PISD: variants seen among roughly 807,000 people sequenced by gnomAD.
PISD encodes the protein phosphatidylserine decarboxylase proenzyme, mitochondrial.
A neutral mutation model predicts 43.5 loss-of-function variants in PISD; 31 were observed. That is an observed-to-expected ratio of 0.71 (90% CI 0.54 to 0.96). The LOEUF is 0.96. PISD is among the 40% of genes least tolerant of loss of function. The pLI is 0.00. For synonymous variants in PISD, 259 were observed against 228.7 expected (o/e 1.13, Z -1.20); for missense variants, 523 against 548.4 (o/e 0.95, Z 0.46).
At chr22:31,639,830 G>C (rs2073636789) in intron 3 of PISD, among the ~76,000 whole-genome samples, 1 of 152,088 alleles carries the variant, frequency 6.6e-6, no homozygotes, top group African/African-American at 2.4e-5. Context: ...AGGCCTCTAT[G>C]TCAACAGCCA....
chr22:31,637,370 A>G (rs975080296), intron 3 of PISD, among the ~76,000 whole-genome samples: 2 of 150,696 alleles, frequency 1.3e-5, no homozygotes, highest in Non-Finnish European at 1.5e-5. Context: ...CAAAAAAGAA[A>G]AAGTTGTGTT....
At chr22:31,641,759 G>A (rs1456613390) in intron 3 of PISD, among the ~76,000 whole-genome samples, 1 of 151,182 alleles carries the variant, frequency 6.6e-6, no homozygotes, top group Admixed American at 6.6e-5. Context: ...GGCGCAGGTT[G>A]CAGTGAGCTG....
At chr22:31,620,771 G>A in intron 6 of PISD, 58 bp from the exon 7 acceptor site, 1 of 1,596,282 alleles carries the variant, frequency 6.3e-7, no homozygotes, top group Non-Finnish European at 8.6e-7. Flanking sequence ...TCCACCCCAT[G>A]GCAGCCAAGA....
intron 3 of PISD, among the ~76,000 whole-genome samples, chr22:31,640,880 G>GTTTTT (rs1214973570): frequency 0.01 from 254 of 24,570 alleles, 73 homozygotes; most frequent in African/African-American, 0.043. Flanking sequence ...CACACCCGGT[G>GTTTTT]TTTTTTTTTT....
chr22:31,620,472 G>A lies in PISD; in HGVS notation c.1005+81C>T, dbSNP rs984979750. 66 of 1,400,372 alleles carry A rather than the reference G, an allele frequency of 4.7e-5. No homozygotes were observed. In the African/African-American group the frequency reaches 4.8e-4, roughly 10 times the overall value. The allele number at this position is 1,400,372 out of a possible 1,614,324, so 86.7% of individuals were successfully genotyped here. A position where few individuals can be genotyped will look rare whatever the true frequency, so the allele number is the denominator to read the frequency against. On this transcript the variant is annotated intron_variant, in intron 7 of 7. Transcript: ENST00000439502. Reference sequence around the variant, plus strand: ...GGCCTCCCTAGAATTCAGTCCCAACGCATCCGCCGCACAGCAGACAAGGCA... The same window carrying A: ...GGCCTCCCTAGAATTCAGTCCCAACACATCCGCCGCACAGCAGACAAGGCA...
intron 1 of PISD, among the ~76,000 whole-genome samples, chr22:31,661,862 C>G (rs979381876): frequency 1.3e-5 from 2 of 152,196 alleles, no homozygotes; most frequent in African/African-American, 4.8e-5. Context: ...TGCCTCGACT[C>G]AAGAGACGGG....
intron 2 of PISD, among the ~76,000 whole-genome samples, chr22:31,649,328 A>G (rs2071793470): frequency 2.6e-5 from 4 of 152,204 alleles, no homozygotes; most frequent in African/African-American, 7.2e-5. Flanking sequence ...GTTATGCGTT[A>G]AATTGCTGAA....
intron 3 of PISD, among the ~76,000 whole-genome samples, chr22:31,636,958 G>C (rs994939513): frequency 5.3e-5 from 8 of 151,334 alleles, no homozygotes; most frequent in African/African-American, 1.7e-4. Context: ...TTACAGGTGT[G>C]AGCCACCGCG....
intron 6 of PISD, 107 bp from the exon 7 acceptor site, chr22:31,620,820 C>T (rs2072515988): frequency 3.4e-6 from 5 of 1,468,770 alleles, no homozygotes; most frequent in Non-Finnish European, 2.8e-6. Context: ...GATGTCACTC[C>T]AAATGCTGAG....
chr22:31,620,904 G>A (rs1159202777), intron 6 of PISD, 92 bp downstream of exon 6: 1 of 1,460,934 alleles, frequency 6.8e-7, no homozygotes, highest in African/African-American at 1.4e-5. Context: ...CAATGACCCT[G>A]ATCTGGAGCC....
intron 1 of PISD, among the ~76,000 whole-genome samples, chr22:31,652,817 T>C (rs1045830076): frequency 4.6e-5 from 7 of 151,220 alleles, no homozygotes; most frequent in African/African-American, 9.7e-5. Flanking sequence ...GGTGGGAGGA[T>C]TGCTTGAGCC....
intron 1 of PISD, among the ~76,000 whole-genome samples, chr22:31,651,868 T>C (rs561174247): frequency 4.6e-5 from 7 of 152,356 alleles, no homozygotes; most frequent in Non-Finnish European, 8.8e-5. Context: ...AGCAAAGCAT[T>C]AATGAGTTTT....
chr22:31,645,855 T>C (rs5998065), intron 3 of PISD, among the ~76,000 whole-genome samples: 7,286 of 108,042 alleles, frequency 0.067, 311 homozygotes, highest in Admixed American at 0.16. Flanking sequence ...AGACTCCATC[T>C]AAAAAAAAAA....
intron 3 of PISD, among the ~76,000 whole-genome samples, chr22:31,632,553 C>A (rs1228805807): frequency 6.6e-6 from 1 of 152,026 alleles, no homozygotes; most frequent in African/African-American, 2.4e-5. Context: ...TCTCTGAGTA[C>A]CCTAGTTTCC....
rs2073409099 is a variant in PISD at position 31,635,677 on chromosome 22, G to A, written c.321+12424C>T. On this transcript the variant is annotated intron_variant, in intron 3 of 7. Coordinates refer to ENST00000439502, the MANE Select transcript of PISD (RefSeq NM_001326411.2). ...CAAAGCCATTGGAGGTAGCTCCCAG[G>A]TGGGTCCTGGGCCACCTGGGGGCAT... Among the ~76,000 whole-genome samples the A allele has an allele frequency of 2.6e-5, 4 of 152,272 alleles. No individual in the cohort carries two copies. The South Asian group carries it at 8.3e-4, about 32-fold the overall frequency.
chr22:31,662,304 A>G (rs1242391400), upstream of PISD: 12 of 1,304,558 alleles, frequency 9.2e-6, no homozygotes, highest in Non-Finnish European at 1.2e-5. Context: ...CAATGAGAAA[A>G]GCGCGGGTTG....
Position 31,618,592 on chromosome 22 carries a change from A to T in PISD, c.*1020T>A. ...TACAAAAATACTGTGCTACTGATAC[A>T]GTTGAAAAAATTCAATGATGTCTCT... is the stretch of plus-strand genomic sequence containing the variant. On this transcript the variant is annotated 3_prime_UTR_variant, in exon 8 of 8. Transcript: ENST00000439502. The T allele has an allele frequency of 1.2e-5, 7 of 587,752 alleles. No individual in the cohort carries two copies. Among genetic ancestry groups the T allele is most frequent in the Non-Finnish European group, 1.8e-5 (7 of 382,192 alleles). The allele number at this position is 587,752 out of a possible 1,614,324, so 36.4% of individuals were successfully genotyped here. A position where few individuals can be genotyped will look rare whatever the true frequency, so the allele number is the denominator to read the frequency against.
intron 4 of PISD, 45 bp from the exon 5 acceptor site, chr22:31,621,517 C>T: frequency 6.2e-7 from 1 of 1,612,140 alleles, no homozygotes; most frequent in African/African-American, 1.3e-5. Flanking sequence ...GCAGGGTCTC[C>T]TCCCCCCAGG....
intron 1 of PISD, among the ~76,000 whole-genome samples, chr22:31,655,805 TTG>T (rs1181170430): frequency 6.6e-6 from 1 of 151,950 alleles, no homozygotes; most frequent in East Asian, 2.0e-4. Context: ...CAGCTAATTT[TTG>T]TGTTTTTTTA....
Sources: allele counts gnomAD v4.1 joint callset (sites outside exome capture counted in the v4.1 genomes callset), GRCh38; gene constraint gnomAD v4.1.1; transcripts MANE v1.5; gene names NCBI Gene and HGNC (gene_info 2026-07-23, HGNC 2026-07-21).